Variants in NRXN3 observed in about 807,000 individuals in gnomAD.
NRXN3 encodes the protein neurexin III.
A neutral mutation model predicts 137.6 loss-of-function variants in NRXN3; 32 were observed. The observed-to-expected ratio is 0.23, with a 90% CI of 0.18 to 0.31. NRXN3 has a LOEUF of 0.31. Ranked by LOEUF, NRXN3 falls within the 10% of genes least tolerant of loss-of-function variation. The pLI is 1.00. For missense variants in NRXN3, 1,574 were observed against 2,062.5 expected (o/e 0.76, Z 4.59); for synonymous variants, 798 against 784.5 (o/e 1.02, Z -0.29).
intron 19 of NRXN3, among the ~76,000 whole-genome samples, chr14:79,738,118 C>G (rs2098948430): frequency 6.6e-6 from 1 of 152,108 alleles, no homozygotes; most frequent in Non-Finnish European, 1.5e-5. Flanking sequence ...ATTAGCCCAC[C>G]TGCAGTAGGT....
chr14:78,602,750 C>T (rs2097212665), intron 4 of NRXN3, among the ~76,000 whole-genome samples: 1 of 152,196 alleles, frequency 6.6e-6, no homozygotes, highest in African/African-American at 2.4e-5. Flanking sequence ...AGAGTGGTGG[C>T]TGGCTTTCTA....
chr14:78,210,705 G>C, intron 1 of NRXN3, among the ~76,000 whole-genome samples: 1 of 151,932 alleles, frequency 6.6e-6, no homozygotes, highest in East Asian at 1.9e-4. Flanking sequence ...AGGCAACCAC[G>C]ATGTAGTTTT....
rs545403162 is a variant in NRXN3 at position 78,328,569 on chromosome 14, ATCAT to A, written c.757+30711_757+30714del. 3.3e-5 allele frequency among the ~76,000 whole-genome samples: 5 copies of A among 152,358 alleles called. No homozygotes were observed. In the South Asian group the frequency reaches 1.0e-3, roughly 32 times the overall value. On this transcript the variant is annotated intron_variant, in intron 4 of 20. Coordinates refer to ENST00000335750, the MANE Select transcript of NRXN3 (RefSeq NM_001330195.2). ...AAAGACAACTATCCAATTGAATTTG[ATCAT>A]TTATTTAGTCACTCATTTCACAAGT...
intron 15 of NRXN3, among the ~76,000 whole-genome samples, chr14:79,321,150 G>A (rs2089944432): frequency 6.6e-6 from 1 of 151,924 alleles, no homozygotes; most frequent in Admixed American, 6.6e-5. Flanking sequence ...GAATTGCTTA[G>A]TATTGTTTAT....
intron 4 of NRXN3, among the ~76,000 whole-genome samples, chr14:78,464,105 T>C (rs190865764): frequency 6.7e-6 from 1 of 150,132 alleles, no homozygotes; most frequent in Non-Finnish European, 1.5e-5. Flanking sequence ...CAGGCTGGAG[T>C]GCAATGGTAT....
intron 15 of NRXN3, chr14:79,280,144 T>C: frequency 2.0e-6 from 3 of 1,485,862 alleles, no homozygotes; most frequent in African/African-American, 1.4e-5. Context: ...ACTGATTCAT[T>C]GTTTGGAAAG....
At chr14:78,354,864 A>C (rs569798193) in intron 4 of NRXN3, among the ~76,000 whole-genome samples, 80 of 152,334 alleles carry the variant, frequency 5.3e-4, no homozygotes, top group South Asian at 1.5e-3. Context: ...ATCAGTGTAA[A>C]GTAAGAAAAC....
chr14:78,251,880 T>TG (rs2068684291), intron 2 of NRXN3, among the ~76,000 whole-genome samples: 1 of 150,736 alleles, frequency 6.6e-6, no homozygotes, highest in Non-Finnish European at 1.5e-5. Flanking sequence ...TAAGGGGGAG[T>TG]GGGGGGTTTG....
chr14:79,455,850 C>T (rs56384540), intron 15 of NRXN3, among the ~76,000 whole-genome samples: 3,772 of 151,628 alleles, frequency 0.025, 72 homozygotes, highest in South Asian at 0.062. Context: ...CAAATATTAT[C>T]GGGTAAATTT....
chr14:78,624,211 C>T (rs1208551338), intron 4 of NRXN3, among the ~76,000 whole-genome samples: 1 of 152,202 alleles, frequency 6.6e-6, no homozygotes, highest in African/African-American at 2.4e-5. Context: ...TTGGCAGTTG[C>T]TAGGTGATGT....
At chr14:79,235,633 G>T (rs2073226431) in intron 15 of NRXN3, among the ~76,000 whole-genome samples, 1 of 152,136 alleles carries the variant, frequency 6.6e-6, no homozygotes, top group African/African-American at 2.4e-5. Context: ...AACACAGATT[G>T]TGTTTGAGTA....
At chr14:79,774,686 A>G (rs1419733557) in intron 19 of NRXN3, among the ~76,000 whole-genome samples, 1 of 152,184 alleles carries the variant, frequency 6.6e-6, no homozygotes, top group African/African-American at 2.4e-5. Context: ...TATCTGCCCA[A>G]AAGATTATTT....
intron 4 of NRXN3, among the ~76,000 whole-genome samples, chr14:78,503,836 T>A (rs1188045052): frequency 6.6e-6 from 1 of 152,194 alleles, no homozygotes; most frequent in Admixed American, 6.5e-5. Flanking sequence ...TCCAGCATGA[T>A]AATCAGTGGT....
intron 10 of NRXN3, among the ~76,000 whole-genome samples, chr14:78,895,793 T>C (rs556195887): frequency 6.6e-6 from 1 of 151,968 alleles, no homozygotes; most frequent in African/African-American, 2.4e-5. Flanking sequence ...ATTTCTATAT[T>C]ATTGTGTCTC....
At chr14:79,571,341 A>T (rs1472803875) in intron 16 of NRXN3, among the ~76,000 whole-genome samples, 1 of 152,216 alleles carries the variant, frequency 6.6e-6, no homozygotes, top group African/African-American at 2.4e-5. Context: ...TGCAAGACAT[A>T]TCCTCACTGA....
chr14:78,743,363 A>C (rs1236546258), intron 8 of NRXN3, among the ~76,000 whole-genome samples: 2 of 152,192 alleles, frequency 1.3e-5, no homozygotes, highest in African/African-American at 2.4e-5. Flanking sequence ...GTGTTTGTTT[A>C]ATCAGTATTC....
intron 15 of NRXN3, among the ~76,000 whole-genome samples, chr14:79,257,423 G>A (rs962507148): frequency 1.4e-5 from 1 of 73,928 alleles, no homozygotes; most frequent in Non-Finnish European, 2.8e-5. Context: ...TGATGGTGGT[G>A]ATGGTGGTGG....
chr14:78,904,538 A>G (rs1328689427), intron 10 of NRXN3, among the ~76,000 whole-genome samples: 1 of 152,086 alleles, frequency 6.6e-6, no homozygotes, highest in Non-Finnish European at 1.5e-5. Flanking sequence ...AACTCTATAG[A>G]GATGATTTCC....
intron 14 of NRXN3, among the ~76,000 whole-genome samples, chr14:78,982,886 T>A (rs2099492954): frequency 1.3e-5 from 2 of 152,178 alleles, no homozygotes; most frequent in Admixed American, 1.3e-4. Context: ...GAAGTGTATA[T>A]CTGATAAGGC....
Sources: allele counts gnomAD v4.1 joint callset (sites outside exome capture counted in the v4.1 genomes callset), GRCh38; gene constraint gnomAD v4.1.1; transcripts MANE v1.5; gene names NCBI Gene and HGNC (gene_info 2026-07-23, HGNC 2026-07-21).